PIGK: variants seen among roughly 807,000 people sequenced by gnomAD.
PIGK encodes GPI-anchor transamidase.
A neutral mutation model predicts 50.6 loss-of-function variants in PIGK; 42 were observed. The ratio of observed to expected loss-of-function variants is 0.83; its 90% CI spans 0.65 to 1.07. The LOEUF is 1.07. Among genes scored for constraint, PIGK ranks in the 50% least tolerant of loss-of-function variants. The pLI, the probability that PIGK is intolerant of heterozygous loss-of-function variation, is 0.00. For missense variants in PIGK, 448 were observed against 488.7 expected (o/e 0.92, Z 0.78); for synonymous variants, 151 against 156.0 (o/e 0.97, Z 0.24).
At chr1:77,157,048 T>C (rs839830) in intron 8 of PIGK, among the ~76,000 whole-genome samples, 26,049 of 152,152 alleles carry the variant, frequency 0.17, 3,785 homozygotes, top group African/African-American at 0.4. Flanking sequence ...ACAAGTAATG[T>C]TTTATAAATG....
At chr1:77,116,191 C>CTT (rs1318529706) in intron 10 of PIGK, among the ~76,000 whole-genome samples, 1 of 148,810 alleles carries the variant, frequency 6.7e-6, no homozygotes, top group Admixed American at 6.7e-5. Context: ...ACATCTTTCT[C>CTT]TTTTTTTTTT....
chr1:77,106,522 A>G (rs1427895327), intron 10 of PIGK, among the ~76,000 whole-genome samples: 1 of 152,198 alleles, frequency 6.6e-6, no homozygotes, highest in Non-Finnish European at 1.5e-5. Flanking sequence ...AGTCATGGTA[A>G]TCATACAAAT....
In PIGK at chr1:77,137,302, A is replaced by G. The variant is rs189400590; in HGVS notation, c.987-14943T>C. ...CTGAGAAAGCACAACATAAGCTAGAAGAACCATGAAGGTTGAGCCCATCCT... is the reference window on the plus strand; with the variant it reads ...CTGAGAAAGCACAACATAAGCTAGAGGAACCATGAAGGTTGAGCCCATCCT... On this transcript the variant is annotated intron_variant, in intron 9 of 10. Transcript: ENST00000370812. Among the ~76,000 whole-genome samples the G allele has an allele frequency of 1.0e-3, 159 of 152,354 alleles. 1 individual carries two copies. The highest frequency in any genetic ancestry group is 3.6e-3 in the African/African-American group (150 of 41,586).
At chr1:77,157,344 G>C (rs2100553082) in intron 8 of PIGK, among the ~76,000 whole-genome samples, 1 of 152,276 alleles carries the variant, frequency 6.6e-6, no homozygotes, top group Middle Eastern at 3.4e-3. Context: ...GGTAGGGTAA[G>C]ATGAGGTATT....
intron 9 of PIGK, among the ~76,000 whole-genome samples, chr1:77,151,860 G>A (rs1381949367): frequency 6.6e-6 from 1 of 152,030 alleles, no homozygotes; most frequent in Non-Finnish European, 1.5e-5. Context: ...AAAATGGAAA[G>A]ACATCCCATG....
At chr1:77,108,436 G>A (rs887015934) in intron 10 of PIGK, among the ~76,000 whole-genome samples, 1 of 152,172 alleles carries the variant, frequency 6.6e-6, no homozygotes, top group Non-Finnish European at 1.5e-5. Context: ...CTTCTGGCTT[G>A]TAGAGTTTCT....
intron 9 of PIGK, among the ~76,000 whole-genome samples, chr1:77,122,972 C>G (rs756455614): frequency 6.6e-6 from 1 of 151,694 alleles, no homozygotes; most frequent in East Asian, 1.9e-4. Flanking sequence ...TAATATTTAT[C>G]AAAAAGACTC....
At chr1:77,164,720 A>G (rs968082601) in intron 5 of PIGK, among the ~76,000 whole-genome samples, 1 of 151,876 alleles carries the variant, frequency 6.6e-6, no homozygotes, top group African/African-American at 2.4e-5. Context: ...ACGAGATTTC[A>G]GTTCCCACTT....
chr1:77,161,825 A>G, intron 6 of PIGK, 114 bp from the exon 7 acceptor site: 1 of 664,394 alleles, frequency 1.5e-6, no homozygotes, highest in Admixed American at 2.4e-5. Context: ...TTCATTAGCT[A>G]AAAGTTTTCA....
At chr1:77,214,410 C>A (rs1656502377) in intron 1 of PIGK, among the ~76,000 whole-genome samples, 1 of 152,042 alleles carries the variant, frequency 6.6e-6, no homozygotes, top group Admixed American at 6.6e-5. Context: ...AAACATATGA[C>A]TGTCTCAGTA....
rs567605706 is a variant in PIGK, at chr1:77,094,687, A to G, written c.1072-2197T>C. 3.0e-3 allele frequency among the ~76,000 whole-genome samples: 462 copies of G among 152,318 alleles called. 5 individuals carry two copies. Among genetic ancestry groups the G allele is most frequent in the African/African-American group, 0.01 (430 of 41,588 alleles). On this transcript the variant is annotated intron_variant, in intron 10 of 10. Coordinates refer to ENST00000370812, the MANE Select transcript of PIGK (RefSeq NM_005482.3). ...GCCAGAAACAGTTGCCAGAGATAAG[A>G]CAACTATGGAAAAAATAGCATCTTT...
chr1:77,180,131 A>G (rs1655578198), intron 3 of PIGK, among the ~76,000 whole-genome samples: 2 of 152,306 alleles, frequency 1.3e-5, no homozygotes, highest in South Asian at 2.1e-4. Flanking sequence ...AATATCCCCA[A>G]TAGATACAAG....
At chr1:77,097,554 G>C (rs937289997) in intron 10 of PIGK, among the ~76,000 whole-genome samples, 1 of 150,736 alleles carries the variant, frequency 6.6e-6, no homozygotes, top group African/African-American at 2.4e-5. Context: ...CTATGATTTG[G>C]GTTTTAATTG....
chr1:77,169,567 ATATTT>A (rs1457911011), intron 3 of PIGK, among the ~76,000 whole-genome samples, 172 bp from the exon 4 acceptor site: 1 of 150,438 alleles, frequency 6.6e-6, no homozygotes, highest in African/African-American at 2.4e-5. Flanking sequence ...TGTGTACTAT[ATATTT>A]TAAAGTAGAG....
chr1:77,148,476 C>A (rs1178904700), intron 9 of PIGK, among the ~76,000 whole-genome samples: 2 of 152,086 alleles, frequency 1.3e-5, no homozygotes, highest in African/African-American at 4.8e-5. Flanking sequence ...CAATCTTCGG[C>A]AATGACAATT....
In PIGK at chr1:77,163,839, T is replaced by C. The variant is rs764941407; in HGVS notation, c.584+7A>G. On this transcript the variant is annotated splice_region_variant and intron_variant, in intron 6 of 10. Coordinates refer to ENST00000370812, the MANE Select transcript of PIGK (RefSeq NM_005482.3). Reference sequence around the variant, plus strand: ...TAGCTTATGAAAAGAAGTAATTTGCTAATTACCGTCTTTTCTGCCACATTT... The same window carrying C: ...TAGCTTATGAAAAGAAGTAATTTGCCAATTACCGTCTTTTCTGCCACATTT... 6.6e-7 allele frequency: 1 copy of C among 1,503,796 alleles called. No individual in the cohort carries two copies. The highest frequency in any genetic ancestry group is 9.2e-7 in the Non-Finnish European group (1 of 1,083,114). 93.2% of individuals were successfully genotyped at this position (1,503,796 alleles called of 1,614,324 possible).
intron 10 of PIGK, among the ~76,000 whole-genome samples, chr1:77,101,607 A>G (rs910485968): frequency 2.0e-5 from 3 of 152,246 alleles, no homozygotes; most frequent in African/African-American, 7.2e-5. Flanking sequence ...TTAAATGCCA[A>G]TTCATTAATG....
chr1:77,168,356 G>A (rs1213136580), intron 4 of PIGK, among the ~76,000 whole-genome samples: 1 of 152,120 alleles, frequency 6.6e-6, no homozygotes, highest in Non-Finnish European at 1.5e-5. Context: ...TTGTGCGTGT[G>A]TAAACTGTTT....
chr1:77,109,127 A>G (rs1340547096), intron 10 of PIGK, among the ~76,000 whole-genome samples: 1 of 152,178 alleles, frequency 6.6e-6, no homozygotes, highest in Non-Finnish European at 1.5e-5. Context: ...ATAGCTTACC[A>G]ACCAAAAAAA....
Sources: allele counts gnomAD v4.1 joint callset (sites outside exome capture counted in the v4.1 genomes callset), GRCh38; gene constraint gnomAD v4.1.1; transcripts MANE v1.5; gene names NCBI Gene and HGNC (gene_info 2026-07-23, HGNC 2026-07-21).